The following FLI1 variants were observed in gnomAD, a reference collection of about 807,000 sequenced individuals.
The protein encoded by FLI1 is Friend leukemia integration 1 transcription factor.
In FLI1, 13 loss-of-function variants were observed where a neutral mutation model predicts 53.1. The ratio of observed to expected loss-of-function variants is 0.24; its 90% CI spans 0.16 to 0.39. The LOEUF is 0.39. FLI1 is among the 10% of genes least tolerant of loss of function. The pLI is 1.00. For missense variants in FLI1, 424 were observed against 600.5 expected (o/e 0.71, Z 3.07); for synonymous variants, 244 against 236.7 (o/e 1.03, Z -0.28).
intron 5 of FLI1, among the ~76,000 whole-genome samples, chr11:128,796,628 T>C (rs1192963148): frequency 6.6e-6 from 1 of 152,232 alleles, no homozygotes; most frequent in Non-Finnish European, 1.5e-5. Flanking sequence ...GATGTGTGGA[T>C]GCACAGCTCA....
chr11:128,733,527 G>C (rs1357329537), intron 1 of FLI1, among the ~76,000 whole-genome samples: 1 of 152,182 alleles, frequency 6.6e-6, no homozygotes, highest in East Asian at 1.9e-4. Context: ...TAGTGGGCCA[G>C]AGTAGATAAA....
chr11:128,694,984 G>C (rs936443157), intron 1 of FLI1, among the ~76,000 whole-genome samples: 46 of 151,940 alleles, frequency 3.0e-4, no homozygotes, highest in African/African-American at 1.1e-3. Flanking sequence ...GCCCCCGTCC[G>C]CACAGATCCC....
chr11:128,724,604 C>T (rs1255286775), intron 1 of FLI1, among the ~76,000 whole-genome samples: 1 of 152,156 alleles, frequency 6.6e-6, no homozygotes, highest in Admixed American at 6.5e-5. Context: ...AAATCTATCC[C>T]AAGCCCTCCT....
At chr11:128,750,796 A>G (rs1045174757) in intron 1 of FLI1, among the ~76,000 whole-genome samples, 4 of 152,364 alleles carry the variant, frequency 2.6e-5, no homozygotes, top group Non-Finnish European at 5.9e-5. Context: ...TTGTAAGTAT[A>G]ACAAGAAAAG....
rs1156273894 is a variant in FLI1 at position 128,743,767 on chromosome 11, C to A, written c.19-14348C>A. On this transcript the variant is annotated intron_variant, in intron 1 of 8. Transcript: ENST00000527786. ...CCGTGGGTTTTAGCTGGGTTTTCTGCTCAGCTAGCTTTACTGAGCTTGACA... is the reference window on the plus strand; with the variant it reads ...CCGTGGGTTTTAGCTGGGTTTTCTGATCAGCTAGCTTTACTGAGCTTGACA... Among the ~76,000 whole-genome samples, 4 of 152,226 alleles carry A rather than the reference C, an allele frequency of 2.6e-5. No homozygotes were observed. In the East Asian group the frequency reaches 7.7e-4, roughly 29 times the overall value.
chr11:128,751,283 C>G (rs1186074006), intron 1 of FLI1, among the ~76,000 whole-genome samples: 2 of 152,164 alleles, frequency 1.3e-5, no homozygotes, highest in Non-Finnish European at 2.9e-5. Flanking sequence ...TATCTGAACT[C>G]CCTCTTGACC....
At chr11:128,757,076 CTTTCTTTCTTTCTTTCTTTCTTTCTT>C (rs1240495002) in intron 1 of FLI1, among the ~76,000 whole-genome samples, 3 of 141,964 alleles carry the variant, frequency 2.1e-5, no homozygotes, top group African/African-American at 8.9e-5. Context: ...TTCTTTCTTT[CTTTCTTTCTTTCTTTCTTTCTTTCTT>C]TCTTTCTTTC....
At chr11:128,685,331 G>T (rs964633804), upstream of FLI1, among the ~76,000 whole-genome samples, 3 of 152,218 alleles carry the variant, frequency 2.0e-5, no homozygotes, top group African/African-American at 7.2e-5. Flanking sequence ...GGAGCTGCCC[G>T]GAGTTCCGCT....
chr11:128,769,628 T>C (rs1941480614), intron 3 of FLI1, among the ~76,000 whole-genome samples: 1 of 152,180 alleles, frequency 6.6e-6, no homozygotes, highest in Non-Finnish European at 1.5e-5. Context: ...GGGTGGGGCT[T>C]GTAGAAATTT....
intron 7 of FLI1, among the ~76,000 whole-genome samples, chr11:128,808,454 C>T (rs1042491920): frequency 6.6e-6 from 1 of 152,162 alleles, no homozygotes; most frequent in Non-Finnish European, 1.5e-5. Flanking sequence ...TAAATAAACA[C>T]ATACGTTTTG....
intron 5 of FLI1, among the ~76,000 whole-genome samples, chr11:128,786,979 G>A (rs886243152): frequency 3.3e-5 from 5 of 152,194 alleles, no homozygotes; most frequent in African/African-American, 1.2e-4. Flanking sequence ...CAGCCCCACT[G>A]CAAGCGGAAT....
intron 4 of FLI1, among the ~76,000 whole-genome samples, chr11:128,778,741 A>G (rs1232689018): frequency 6.6e-6 from 1 of 152,150 alleles, no homozygotes; most frequent in African/African-American, 2.4e-5. Context: ...TGGCATCGGG[A>G]AGGTGGGGGA....
intron 2 of FLI1, among the ~76,000 whole-genome samples, chr11:128,766,005 T>C (rs1941326780): frequency 1.3e-5 from 2 of 152,234 alleles, no homozygotes; most frequent in Admixed American, 1.3e-4. Context: ...GGAGTAAGCA[T>C]ATGTGTGCAC....
chr11:128,773,406 C>T (rs1293514052), intron 4 of FLI1, among the ~76,000 whole-genome samples: 1 of 151,990 alleles, frequency 6.6e-6, no homozygotes, highest in Non-Finnish European at 1.5e-5. Flanking sequence ...AAATAATTTA[C>T]ATATTAGCTT....
At chr11:128,739,531 C>A (rs1940045089) in intron 1 of FLI1, among the ~76,000 whole-genome samples, 1 of 152,156 alleles carries the variant, frequency 6.6e-6, no homozygotes, top group Non-Finnish European at 1.5e-5. Flanking sequence ...CCTTCCCTAC[C>A]TCCTTTGGGT....
chr11:128,698,693 AGTGT>A (rs1411317065), intron 1 of FLI1, among the ~76,000 whole-genome samples: 1 of 133,620 alleles, frequency 7.5e-6, no homozygotes, highest in African/African-American at 2.9e-5. Flanking sequence ...TCGTGGAGGC[AGTGT>A]GTGTATGTGT....
In FLI1 at chr11:128,721,583, G is replaced by T. The variant is rs534679729; in HGVS notation, c.18+27307G>T. Among the ~76,000 whole-genome samples, 6 of 152,244 alleles carry T rather than the reference G, an allele frequency of 3.9e-5. No homozygotes were observed. In the East Asian group the frequency reaches 1.2e-3, roughly 29 times the overall value. ...GTAGAGAGACCATCTCTTTATACAAGATCAATTATGGGTGCAAGAGCATGC... is the reference window on the plus strand; with the variant it reads ...GTAGAGAGACCATCTCTTTATACAATATCAATTATGGGTGCAAGAGCATGC... On this transcript the variant is annotated intron_variant, in intron 1 of 8. Coordinates refer to ENST00000527786, the MANE Select transcript of FLI1 (RefSeq NM_002017.5).
chr11:128,744,930 C>T (rs1307879680), intron 1 of FLI1, among the ~76,000 whole-genome samples: 3 of 152,160 alleles, frequency 2.0e-5, no homozygotes, highest in Non-Finnish European at 2.9e-5. Flanking sequence ...CAGACTTCAG[C>T]AGAATGGAGG....
intron 1 of FLI1, among the ~76,000 whole-genome samples, chr11:128,741,463 C>A (rs917088643): frequency 6.6e-6 from 1 of 152,218 alleles, no homozygotes. Flanking sequence ...GGCCAGAGCC[C>A]CCAGCCAGTC....
Sources: allele counts gnomAD v4.1 joint callset (sites outside exome capture counted in the v4.1 genomes callset), GRCh38; gene constraint gnomAD v4.1.1; transcripts MANE v1.5; gene names NCBI Gene and HGNC (gene_info 2026-07-23, HGNC 2026-07-21).